RXFP1: variants seen among roughly 807,000 people sequenced by gnomAD.
The protein encoded by RXFP1 is relaxin receptor 1.
In RXFP1, 73 loss-of-function variants were observed where a neutral mutation model predicts 89.8. The ratio of observed to expected loss-of-function variants is 0.81; its 90% CI spans 0.67 to 0.99. The LOEUF is 0.99. RXFP1 is among the 50% of genes least tolerant of loss of function. RXFP1 has a pLI of 0.00. For missense variants in RXFP1, 793 were observed against 895.5 expected (o/e 0.89, Z 1.46); for synonymous variants, 277 against 305.5 (o/e 0.91, Z 0.97).
chr4:158,645,406 C>T (rs1419445408), intron 15 of RXFP1, among the ~76,000 whole-genome samples: 2 of 152,150 alleles, frequency 1.3e-5, no homozygotes, highest in African/African-American at 4.8e-5. Context: ...GCTCCGAAGG[C>T]ACAATATTTT....
At position 158,617,427 on chromosome 4, in the gene RXFP1, AT is replaced by A. The variant is rs370059381; in HGVS notation, c.755+223del. On this transcript the variant is annotated intron_variant, in intron 9 of 17. Coordinates refer to ENST00000307765, the MANE Select transcript of RXFP1 (RefSeq NM_021634.4). ...AGCAAAATAAAACATCTCAAAAAAA[AT>A]ATATATATATATATATATACTGGAG... is the stretch of plus-strand genomic sequence containing the variant. 7.8e-3 allele frequency among the ~76,000 whole-genome samples: 1,085 copies of A among 139,478 alleles called. 10 individuals carry two copies. Among genetic ancestry groups the A allele is most frequent in the Middle Eastern group, 0.011 (3 of 282 alleles). The allele number at this position is 139,478 out of a possible 152,430, so 91.5% of individuals were successfully genotyped here.
chr4:158,545,863 T>G (rs1334965000), intron 1 of RXFP1, among the ~76,000 whole-genome samples: 1 of 152,222 alleles, frequency 6.6e-6, no homozygotes, highest in African/African-American at 2.4e-5. Flanking sequence ...CCTTGTAGTA[T>G]AGTTTGAAGT....
chr4:158,629,587 T>C (rs528669338), intron 11 of RXFP1, among the ~76,000 whole-genome samples: 11 of 150,412 alleles, frequency 7.3e-5, no homozygotes, highest in African/African-American at 2.7e-4. Context: ...CTTCAGACCA[T>C]TTTTTTATAT....
At chr4:158,564,718 A>C (rs1753188519) in intron 1 of RXFP1, among the ~76,000 whole-genome samples, 1 of 152,200 alleles carries the variant, frequency 6.6e-6, no homozygotes, top group African/African-American at 2.4e-5. Flanking sequence ...GAGCATGTTT[A>C]CTTGCTCTTC....
chr4:158,621,766 T>C (rs1367361100), intron 9 of RXFP1, among the ~76,000 whole-genome samples: 1 of 152,206 alleles, frequency 6.6e-6, no homozygotes, highest in Admixed American at 6.5e-5. Context: ...CCTGGGAAGA[T>C]ATTTCTCAAA....
At chr4:158,625,175 A>G (rs10857314) in intron 9 of RXFP1, among the ~76,000 whole-genome samples, 33,655 of 152,000 alleles carry the variant, frequency 0.22, 5,519 homozygotes, top group African/African-American at 0.46. Flanking sequence ...ATTATGAGAG[A>G]CCAAAAGCCT....
At chr4:158,599,079 C>CT (rs1157352403) in intron 3 of RXFP1, among the ~76,000 whole-genome samples, 4 of 150,976 alleles carry the variant, frequency 2.6e-5, no homozygotes, top group Admixed American at 2.6e-4. Flanking sequence ...GAACAGTCTG[C>CT]TTTTTTTAAA....
intron 2 of RXFP1, among the ~76,000 whole-genome samples, chr4:158,588,310 T>G (rs1561073717): frequency 2.0e-5 from 3 of 152,192 alleles, no homozygotes; most frequent in African/African-American, 7.2e-5. Flanking sequence ...AATCCAATGA[T>G]TCAGTCAGCC....
chr4:158,623,695 C>G lies in RXFP1; in HGVS notation c.756-3125C>G, dbSNP rs140973072. 1.9e-4 allele frequency among the ~76,000 whole-genome samples: 29 copies of G among 152,180 alleles called. No homozygotes were observed. In the East Asian group the frequency reaches 5.0e-3, roughly 26 times the overall value. On this transcript the variant is annotated intron_variant, in intron 9 of 17. Coordinates refer to ENST00000307765, the MANE Select transcript of RXFP1 (RefSeq NM_021634.4). ...ACATAACTAGCTAAAATACTACATT[C>G]CCACACTTCTCTGCATTCACATATA...
intron 1 of RXFP1, among the ~76,000 whole-genome samples, chr4:158,566,617 A>G (rs1579660397): frequency 6.6e-6 from 1 of 151,800 alleles, no homozygotes; most frequent in East Asian, 1.9e-4. Context: ...GCCCACCTCA[A>G]CCTCCCAAAG....
intron 8 of RXFP1, 47 bp downstream of exon 8, chr4:158,612,409 G>T (rs1489764354): frequency 2.2e-6 from 3 of 1,333,724 alleles, no homozygotes; most frequent in South Asian, 1.3e-5. Flanking sequence ...GCAAAGACAT[G>T]AATAAAAATT....
chr4:158,542,229 C>T (rs1358373735), intron 1 of RXFP1, among the ~76,000 whole-genome samples: 2 of 150,854 alleles, frequency 1.3e-5, no homozygotes, highest in Admixed American at 6.6e-5. Context: ...TGAATCACTG[C>T]GCCTGGCCCA....
chr4:158,646,383 T>C (rs1366646499), intron 15 of RXFP1: 5 of 735,060 alleles, frequency 6.8e-6, no homozygotes, highest in Non-Finnish European at 1.0e-5. Context: ...CTTGAGCTTG[T>C]TGCGTTGGGA....
At chr4:158,542,808 C>A (rs1412730858) in intron 1 of RXFP1, among the ~76,000 whole-genome samples, 1 of 152,082 alleles carries the variant, frequency 6.6e-6, no homozygotes, top group African/African-American at 2.4e-5. Flanking sequence ...TCATCAGTTC[C>A]TTCTGTATCA....
intron 1 of RXFP1, among the ~76,000 whole-genome samples, chr4:158,527,102 C>A (rs559885337): frequency 6.6e-6 from 1 of 152,194 alleles, no homozygotes; most frequent in South Asian, 2.1e-4. Flanking sequence ...AATGAAACAG[C>A]AGATAATCTG....
chr4:158,575,496 C>A (rs1471160512), intron 2 of RXFP1, among the ~76,000 whole-genome samples: 1 of 152,012 alleles, frequency 6.6e-6, no homozygotes, highest in Non-Finnish European at 1.5e-5. Context: ...AAGCCCTATC[C>A]CCCAGTGTGA....
Position 158,628,541 on chromosome 4 carries a change from A to G in RXFP1, c.828-97A>G, listed in dbSNP as rs971932819. Reference sequence around the variant, plus strand: ...TGTCTTTATGTGAAAAATGTACTGTATATTCATTATCTTTGTTTCTGCATA... The same window carrying G: ...TGTCTTTATGTGAAAAATGTACTGTGTATTCATTATCTTTGTTTCTGCATA... On this transcript the variant is annotated intron_variant, in intron 10 of 17. Transcript: ENST00000307765. 6 of 551,650 alleles carry G rather than the reference A, an allele frequency of 1.1e-5. No individual in the cohort carries two copies. The African/African-American group carries it at 1.2e-4, about 11-fold the overall frequency. 34.2% of individuals were successfully genotyped at this position (551,650 alleles called of 1,614,324 possible). A position where few individuals can be genotyped will look rare whatever the true frequency, so the allele number is the denominator to read the frequency against.
intron 2 of RXFP1, among the ~76,000 whole-genome samples, chr4:158,580,765 C>G (rs765357850): frequency 2.0e-5 from 3 of 152,090 alleles, no homozygotes; most frequent in Non-Finnish European, 4.4e-5. Context: ...GAAAAGACAT[C>G]TTATGTTCTA....
intron 2 of RXFP1, among the ~76,000 whole-genome samples, chr4:158,579,304 T>C (rs1254894348): frequency 2.0e-5 from 3 of 152,166 alleles, no homozygotes; most frequent in Non-Finnish European, 2.9e-5. Context: ...AGTCTCACTC[T>C]GTAGCCCAGG....
Sources: allele counts gnomAD v4.1 joint callset (sites outside exome capture counted in the v4.1 genomes callset), GRCh38; gene constraint gnomAD v4.1.1; transcripts MANE v1.5; gene names NCBI Gene and HGNC (gene_info 2026-07-23, HGNC 2026-07-21).